WDR37: variants seen among roughly 807,000 people sequenced by gnomAD.
WDR37 encodes WD repeat domain 37.
A neutral mutation model predicts 62.9 loss-of-function variants in WDR37; 19 were observed. That is an observed-to-expected ratio of 0.30 (90% CI 0.21 to 0.44). WDR37 has a LOEUF of 0.44. Among genes scored for constraint, WDR37 ranks in the 20% least tolerant of loss-of-function variants. The pLI is 1.00. For synonymous variants in WDR37, 250 were observed against 260.9 expected (o/e 0.96, Z 0.40); for missense variants, 474 against 657.6 (o/e 0.72, Z 3.05).
At chr10:1,094,310 C>T (rs1056536898) in intron 8 of WDR37, among the ~76,000 whole-genome samples, 9 of 152,196 alleles carry the variant, frequency 5.9e-5, no homozygotes, top group African/African-American at 7.2e-5. Flanking sequence ...GTCTGGGTTT[C>T]GCCTATGGGC....
chr10:1,121,015 C>G lies in WDR37; in HGVS notation c.1104-3203C>G, dbSNP rs1835561368. The stretch of plus-strand genomic sequence containing the variant: ...AGCTGGAGGAGCACGCTCGGCTGCC[C>G]CACACGACAAGATAAATGAGTTTGC... On this transcript the variant is annotated intron_variant, in intron 11 of 13. Transcript: ENST00000263150. This position sits in a 1 kb window ranked among gnomAD's most constrained non-coding sequence, Gnocchi z 4.5. 6.6e-6 allele frequency among the ~76,000 whole-genome samples: 1 copy of G among 152,226 alleles called. No homozygotes were observed. Among genetic ancestry groups the G allele is most frequent in the African/African-American group, 2.4e-5 (1 of 41,454 alleles).
chr10:1,087,109 C>G (rs74120454), intron 7 of WDR37, among the ~76,000 whole-genome samples: 2 of 152,246 alleles, frequency 1.3e-5, no homozygotes, highest in Admixed American at 1.3e-4. Context: ...CCTCCCCTTT[C>G]CCAGGACCTC....
At chr10:1,067,744 T>C (rs1833597726) in intron 1 of WDR37, among the ~76,000 whole-genome samples, 1 of 152,052 alleles carries the variant, frequency 6.6e-6, no homozygotes, top group East Asian at 1.9e-4. Context: ...AAAAAAGTAG[T>C]GACAAAGGGA....
Position 1,068,296 on chromosome 10 carries a change from A to G in WDR37, c.-40-3820A>G, listed in dbSNP as rs112453845. Among the ~76,000 whole-genome samples the G allele has an allele frequency of 2.9e-3, 436 of 151,182 alleles. 1 individual carries two copies. Among genetic ancestry groups the G allele is most frequent in the African/African-American group, 9.8e-3 (400 of 40,992 alleles). On this transcript the variant is annotated intron_variant, in intron 1 of 13. Coordinates refer to ENST00000263150, the MANE Select transcript of WDR37 (RefSeq NM_014023.4). ...GGAGATGGAGACCATCCTGGTTAAC[A>G]CTGTGAAACCCCGTCTCTACTAAAA...
In WDR37 at chr10:1,086,286, A is replaced by G; in HGVS notation, c.533A>G (p.Asp178Gly). Residue 178 changes from aspartate (D) to glycine (G), a missense_variant and splice_region_variant, in exon 7 of 14, where the codon GAT becomes GGT. Asp to Gly is a moderately conservative substitution (Grantham distance 94). Coordinates refer to ENST00000263150, the MANE Select transcript of WDR37 (RefSeq NM_014023.4). ...CGACTTCTTCATTTCCATCTTGCAG[A>G]TCACACGGCTTTGCTGTGGAGCATA... ...QPVVLGTASA[D>G]HTALLWSIET... 1 of 1,614,050 alleles carries G rather than the reference A, an allele frequency of 6.2e-7. No individual in the cohort carries two copies. The highest frequency in any genetic ancestry group is 8.5e-7 in the Non-Finnish European group (1 of 1,179,950).
At chr10:1,095,804 C>T (rs974809693) in intron 8 of WDR37, among the ~76,000 whole-genome samples, 14 of 152,114 alleles carry the variant, frequency 9.2e-5, no homozygotes, top group East Asian at 1.9e-4. Flanking sequence ...GTCGCTTTCC[C>T]GAACGTCTCA....
At position 1,086,217 on chromosome 10, in the gene WDR37, T is replaced by C. The variant is rs558521731; in HGVS notation, c.533-69T>C. On this transcript the variant is annotated intron_variant, in intron 6 of 13. Transcript: ENST00000263150. ...TTTCCCATTTTTAGAGTATTTGTCT[T>C]ATTCTTTCATTTGAAAAACTATAAA... is the stretch of plus-strand genomic sequence containing the variant. 6.5e-5 allele frequency: 86 copies of C among 1,321,722 alleles called. No individual in the cohort carries two copies. In the African/African-American group the frequency reaches 1.2e-3, roughly 18 times the overall value. 81.9% of individuals were successfully genotyped at this position (1,321,722 alleles called of 1,614,324 possible).
intron 1 of WDR37, among the ~76,000 whole-genome samples, chr10:1,070,831 A>G (rs559133118): frequency 6.8e-4 from 103 of 152,364 alleles, no homozygotes; most frequent in African/African-American, 2.4e-3. Flanking sequence ...TAGTGATTTT[A>G]AAATATTGTA....
intron 9 of WDR37, among the ~76,000 whole-genome samples, chr10:1,099,190 A>T (rs1444213111): frequency 6.6e-6 from 1 of 152,210 alleles, no homozygotes; most frequent in Non-Finnish European, 1.5e-5. Flanking sequence ...GTTTATGATC[A>T]CAAAGAGGCC....
intron 7 of WDR37, among the ~76,000 whole-genome samples, chr10:1,088,628 A>C (rs906818808): frequency 6.6e-6 from 1 of 152,198 alleles, no homozygotes; most frequent in East Asian, 1.9e-4. Context: ...CAGAGATCAC[A>C]GGTCACTATT....
intron 2 of WDR37, among the ~76,000 whole-genome samples, chr10:1,076,591 A>G (rs896816040): frequency 6.6e-6 from 1 of 151,606 alleles, no homozygotes; most frequent in African/African-American, 2.4e-5. Context: ...AGGCAGGAGA[A>G]TGGCACGAAC....
chr10:1,120,190 G>A (rs1396322864), intron 11 of WDR37, among the ~76,000 whole-genome samples: 3 of 152,214 alleles, frequency 2.0e-5, no homozygotes, highest in Admixed American at 1.3e-4. Context: ...GAGAAAGGCC[G>A]GGATGGAGCT....
intron 9 of WDR37, 165 bp downstream of exon 9, chr10:1,096,411 AGT>A: frequency 1.4e-6 from 1 of 710,548 alleles, no homozygotes; most frequent in Non-Finnish European, 2.4e-6. Flanking sequence ...CCTCTAAGGT[AGT>A]AGTTAAGGTT....
chr10:1,125,104 C>G (rs746845511), intron 13 of WDR37, 80 bp downstream of exon 13: 7 of 1,537,138 alleles, frequency 4.6e-6, no homozygotes, highest in Non-Finnish European at 6.1e-6. Flanking sequence ...CATTTTCTTA[C>G]TAAGTCTTTG....
chr10:1,127,777 G>A (rs1336688209), intron 13 of WDR37, among the ~76,000 whole-genome samples: 1 of 152,114 alleles, frequency 6.6e-6, no homozygotes, highest in Non-Finnish European at 1.5e-5. Flanking sequence ...CCCGTGCTGA[G>A]CGTCCTGGAG....
intron 3 of WDR37, 68 bp downstream of exon 3, chr10:1,078,071 A>G (rs944755422): frequency 9.7e-5 from 117 of 1,202,602 alleles, no homozygotes; most frequent in Middle Eastern, 8.1e-4. Flanking sequence ...ATGAATAGAC[A>G]TTCATCACTA....
rs183185700 is a variant in WDR37, at chr10:1,094,924, G to A, written c.650-1246G>A. 2.7e-3 allele frequency among the ~76,000 whole-genome samples: 418 copies of A among 152,070 alleles called. 5 individuals are homozygous for A. Among genetic ancestry groups the A allele is most frequent in the Admixed American group, 0.015 (236 of 15,272 alleles). The stretch of plus-strand genomic sequence containing the variant: ...AGGTAATGAACATGGAGAGAGGAGA[G>A]TTAGACTTGGAAACAGGAGGTAATG... On this transcript the variant is annotated intron_variant, in intron 8 of 13. Transcript: ENST00000263150.
rs551772621 is a variant in WDR37, at chr10:1,097,163, C to T, written c.726+917C>T. Among the ~76,000 whole-genome samples, 19 of 152,102 alleles carry T rather than the reference C, an allele frequency of 1.2e-4. 1 individual carries two copies. Among genetic ancestry groups the T allele is most frequent in the South Asian group, 1.0e-3 (5 of 4,818 alleles). ...GAAAGAGTTGTTAAGGGAAAGGGGA[C>T]GAGAACTTGTAAGATTTGGGAAATT... On this transcript the variant is annotated intron_variant, in intron 9 of 13. Transcript: ENST00000263150.
chr10:1,124,153 G>A, intron 11 of WDR37, 65 bp from the exon 12 acceptor site: 6 of 1,604,420 alleles, frequency 3.7e-6, no homozygotes, highest in African/African-American at 1.3e-5. Flanking sequence ...TCAGGGTTGT[G>A]TGTGGGGTGT....
Sources: gnomAD v4.1 joint callset for allele counts (sites outside exome capture counted in the v4.1 genomes callset) on GRCh38, gnomAD v4.1.1 for gene constraint, Gnocchi (gnomAD v3.1) non-coding constraint, MANE v1.5 for transcripts, NCBI Gene and HGNC (gene_info 2026-07-23, HGNC 2026-07-21) for gene names.